Variants in DENND1A observed in about 807,000 individuals in gnomAD.
DENND1A encodes the protein DENN domain containing 1A.
In DENND1A, 51 loss-of-function variants were observed where a neutral mutation model predicts 113.7. The ratio of observed to expected loss-of-function variants is 0.45; its 90% CI spans 0.36 to 0.57. The LOEUF (loss-of-function observed/expected upper bound fraction) is 0.57. Among genes scored for constraint, DENND1A ranks in the 20% least tolerant of loss-of-function variants. The pLI is 0.00. For missense variants in DENND1A, 1,258 were observed against 1,395.9 expected, an observed-to-expected ratio of 0.90 and a Z score of 1.57; for synonymous variants, 565 against 570.8, an observed-to-expected ratio of 0.99 and a Z score of 0.14.
Position 123,583,210 on chromosome 9 carries a change from C to A in DENND1A, c.826G>T (p.Glu276Ter). The A allele has an allele frequency of 6.2e-7, 1 of 1,612,874 alleles. No individual in the cohort carries two copies. The highest frequency in any genetic ancestry group is 8.5e-7 in the Non-Finnish European group (1 of 1,179,380). Reference sequence around the variant, plus strand: ...CTCTGGAGGTCATCGAAGGGGGTTTCCAGGGTGTTGGTGTCCACATTCAGG... The same window carrying A: ...CTCTGGAGGTCATCGAAGGGGGTTTACAGGGTGTTGGTGTCCACATTCAGG... ...VILNVDTNTL[E>*]TPFDDLQSLP... The change falls in exon 12 of 24, where the codon GAA becomes TAA. Residue 276 changes from glutamate to a stop codon, truncating the protein, a stop_gained. Transcript: ENST00000394215. LOFTEE classifies it high-confidence loss of function.
intron 13 of DENND1A, among the ~76,000 whole-genome samples, chr9:123,462,510 A>G (rs903165796): frequency 2.6e-5 from 4 of 152,034 alleles, no homozygotes; most frequent in African/African-American, 9.7e-5. Flanking sequence ...TAAAATTGGA[A>G]CCCTGGCCAG....
intron 1 of DENND1A, among the ~76,000 whole-genome samples, chr9:123,899,183 GT>G (rs1243176908): frequency 6.6e-6 from 1 of 152,128 alleles, no homozygotes; most frequent in East Asian, 1.9e-4. Flanking sequence ...ACCATGCTAG[GT>G]GACAGGCACT....
intron 5 of DENND1A, among the ~76,000 whole-genome samples, chr9:123,736,195 T>C (rs1036996117): frequency 6.6e-6 from 1 of 152,174 alleles, no homozygotes; most frequent in African/African-American, 2.4e-5. Flanking sequence ...TTCAAGTCAG[T>C]GTATGAGAAC....
chr9:123,519,443 A>AT (rs11447219), intron 13 of DENND1A, among the ~76,000 whole-genome samples: 88,746 of 148,258 alleles, frequency 0.6, 27,581 homozygotes, highest in East Asian at 0.71. Flanking sequence ...ATCTTTTTAA[A>AT]TTTTTTTTTT....
chr9:123,563,399 A>G (rs2057875386), intron 12 of DENND1A, among the ~76,000 whole-genome samples: 1 of 152,226 alleles, frequency 6.6e-6, no homozygotes, highest in Non-Finnish European at 1.5e-5. Flanking sequence ...AGTTTGAATC[A>G]CAGAAGCCTA....
intron 1 of DENND1A, among the ~76,000 whole-genome samples, chr9:123,921,096 C>CA (rs529043491): frequency 2.4e-4 from 36 of 151,378 alleles, no homozygotes; most frequent in Admixed American, 9.2e-4. Flanking sequence ...AAAACAAAAC[C>CA]AAAAAAAACT....
chr9:123,812,797 G>C (rs995615888), intron 2 of DENND1A, among the ~76,000 whole-genome samples: 1 of 150,896 alleles, frequency 6.6e-6, no homozygotes, highest in East Asian at 1.9e-4. Context: ...TCTTTCTTTC[G>C]AGTACCTTAT....
At chr9:123,469,563 G>A (rs988975571) in intron 13 of DENND1A, among the ~76,000 whole-genome samples, 1 of 152,224 alleles carries the variant, frequency 6.6e-6, no homozygotes, top group Non-Finnish European at 1.5e-5. Context: ...GATTAGTGCA[G>A]GAACGGCAGA....
chr9:123,562,416 G>A lies in DENND1A; in HGVS notation c.868-4721C>T, dbSNP rs2057811240. On this transcript the variant is annotated intron_variant, in intron 12 of 23. Coordinates refer to ENST00000394215, the MANE Select transcript of DENND1A (RefSeq NM_001352964.2). ...ATACATTATCCCGCATCCTCACCAG[G>A]AAATATCACATAGCTGCCAAAAAGG... Among the ~76,000 whole-genome samples the A allele has an allele frequency of 2.0e-5, 3 of 152,084 alleles. No individual in the cohort carries two copies. The South Asian group carries it at 6.2e-4, about 32-fold the overall frequency.
intron 13 of DENND1A, among the ~76,000 whole-genome samples, chr9:123,481,369 A>G (rs2050321057): frequency 2.6e-5 from 4 of 152,248 alleles, no homozygotes; most frequent in African/African-American, 2.4e-5. Context: ...GGAAACAAGG[A>G]AGCGGGAGCG....
intron 13 of DENND1A, among the ~76,000 whole-genome samples, chr9:123,477,322 G>A (rs763041366): frequency 7.9e-5 from 12 of 152,142 alleles, no homozygotes; most frequent in South Asian, 2.1e-4. Context: ...GGGCCAAGGC[G>A]GGAGAATTGC....
intron 8 of DENND1A, among the ~76,000 whole-genome samples, chr9:123,665,773 C>T (rs1303523534): frequency 6.6e-6 from 1 of 152,070 alleles, no homozygotes; most frequent in Non-Finnish European, 1.5e-5. Flanking sequence ...TTGATAATAG[C>T]CAAAGGGTAA....
At chr9:123,814,080 A>G (rs1444620507) in intron 2 of DENND1A, among the ~76,000 whole-genome samples, 1 of 152,220 alleles carries the variant, frequency 6.6e-6, no homozygotes, top group African/African-American at 2.4e-5. Flanking sequence ...CATAATTTAC[A>G]TAATGTAACT....
intron 2 of DENND1A, among the ~76,000 whole-genome samples, chr9:123,858,769 TCTTA>T (rs1265430857): frequency 1.2e-4 from 18 of 152,156 alleles, no homozygotes; most frequent in African/African-American, 4.3e-4. Flanking sequence ...GTGACTGAGA[TCTTA>T]CTTGGAGAAT....
At chr9:123,576,954 G>A (rs2058670105) in intron 12 of DENND1A, among the ~76,000 whole-genome samples, 1 of 151,948 alleles carries the variant, frequency 6.6e-6, no homozygotes, top group Non-Finnish European at 1.5e-5. Flanking sequence ...GTATCTTTGT[G>A]TGGTTTTGTT....
At chr9:123,573,691 C>A (rs904113086) in intron 12 of DENND1A, among the ~76,000 whole-genome samples, 1 of 152,070 alleles carries the variant, frequency 6.6e-6, no homozygotes, top group Non-Finnish European at 1.5e-5. Flanking sequence ...TTAGAATTTT[C>A]CATATACACG....
Position 123,491,532 on chromosome 9 carries a change from C to T in DENND1A, c.994-33635G>A, listed in dbSNP as rs80132628. ...CTTATAAGTGAGGGTCTGCCATGAACGCTCTAGTATAATGTTAGCTTGCTG... is the reference window on the plus strand; with the variant it reads ...CTTATAAGTGAGGGTCTGCCATGAATGCTCTAGTATAATGTTAGCTTGCTG... On this transcript the variant is annotated intron_variant, in intron 13 of 23. Transcript: ENST00000394215. Among the ~76,000 whole-genome samples, 276 of 152,308 alleles carry T rather than the reference C, an allele frequency of 1.8e-3. 2 individuals carry two copies. The highest frequency in any genetic ancestry group is 5.0e-3 in the South Asian group (24 of 4,828).
Position 123,382,390 on chromosome 9 carries a change from G to T in DENND1A, c.2255C>A (p.Thr752Asn). ...LNPSDKEEVP[T>N]PTLGSITIPR... ...GATGGTGATGCTGCCCAGAGTAGGG[G>T]TGGGCACCTCCTCCTTGTCACTGGG... Residue 752 changes from threonine to asparagine, a missense_variant, in exon 24 of 24, where the codon ACC becomes AAC. Thr to Asn is a moderately conservative substitution (Grantham distance 65). Around this residue, in one of 2 missense-constraint regions of DENND1A, gnomAD observed 1,159 missense variants for 1,231.7 expected, o/e 0.94. Coordinates refer to ENST00000394215, the MANE Select transcript of DENND1A (RefSeq NM_001352964.2). The T allele has an allele frequency of 6.3e-7, 1 of 1,599,080 alleles. No homozygotes were observed.
chr9:123,889,666 A>G (rs1283016668), intron 1 of DENND1A, among the ~76,000 whole-genome samples: 6 of 152,170 alleles, frequency 3.9e-5, no homozygotes, highest in Non-Finnish European at 7.4e-5. Context: ...ATACTGAATA[A>G]ATGCAATGTA....
Sources: allele counts gnomAD v4.1 joint callset (sites outside exome capture counted in the v4.1 genomes callset), GRCh38; gene constraint gnomAD v4.1.1; regional missense constraint gnomAD v4.1.1; transcripts MANE v1.5; gene names NCBI Gene and HGNC (gene_info 2026-07-23, HGNC 2026-07-21).